RIMS2: variants seen among roughly 807,000 people sequenced by gnomAD.
RIMS2 encodes the protein regulating synaptic membrane exocytosis protein 2.
RIMS2 carries 59 observed loss-of-function variants against 174.4 expected under a neutral mutation model. The ratio of observed to expected loss-of-function variants is 0.34; its 90% CI spans 0.27 to 0.42. The LOEUF (loss-of-function observed/expected upper bound fraction) is 0.42. Among genes scored for constraint, RIMS2 ranks in the 10% least tolerant of loss-of-function variants. The pLI is 1.00. For synonymous variants in RIMS2, 606 were observed against 572.5 expected, an observed-to-expected ratio of 1.06 and a Z score of -0.84; for missense variants, 1,620 against 1,666.3, an observed-to-expected ratio of 0.97 and a Z score of 0.48.
chr8:104,182,352 ATATCT>A (rs1287267646), intron 19 of RIMS2, among the ~76,000 whole-genome samples: 1 of 151,826 alleles, frequency 6.6e-6, no homozygotes, highest in Non-Finnish European at 1.5e-5. Flanking sequence ...ATTTAGAAAA[ATATCT>A]TATTTTTAAC....
At chr8:104,004,225 G>A (rs2095491034) in intron 17 of RIMS2, among the ~76,000 whole-genome samples, 1 of 152,124 alleles carries the variant, frequency 6.6e-6, no homozygotes, top group Admixed American at 6.6e-5. Context: ...CTAATGGTAA[G>A]CAGTCATAAA....
intron 14 of RIMS2, among the ~76,000 whole-genome samples, chr8:103,948,479 TTTCTA>T (rs1312727405): frequency 6.6e-6 from 1 of 152,188 alleles, no homozygotes; most frequent in Non-Finnish European, 1.5e-5. Flanking sequence ...TCACAATTGA[TTTCTA>T]TATATAACAA....
At chr8:104,158,129 T>C (rs1390782067) in intron 19 of RIMS2, among the ~76,000 whole-genome samples, 1 of 152,188 alleles carries the variant, frequency 6.6e-6, no homozygotes, top group Non-Finnish European at 1.5e-5. Context: ...CTCCAACTTA[T>C]GAGTGAGAAC....
chr8:103,641,432 A>G (rs143998487), intron 1 of RIMS2, among the ~76,000 whole-genome samples: 358 of 152,254 alleles, frequency 2.4e-3, no homozygotes, highest in African/African-American at 8.2e-3. Flanking sequence ...ATTGTAAACT[A>G]TTATTACTGT....
chr8:104,183,294 A>T (rs2098950278), intron 19 of RIMS2, among the ~76,000 whole-genome samples: 1 of 151,782 alleles, frequency 6.6e-6, no homozygotes. Flanking sequence ...CAACTATAGC[A>T]ATTAAGTAGG....
At chr8:103,993,697 A>T (rs909110370) in intron 17 of RIMS2, among the ~76,000 whole-genome samples, 8 of 152,154 alleles carry the variant, frequency 5.3e-5, no homozygotes, top group Admixed American at 4.6e-4. Context: ...ACTGAGTAGA[A>T]TGTAGGGACT....
At chr8:103,772,163 T>C (rs2098260815) in intron 3 of RIMS2, among the ~76,000 whole-genome samples, 1 of 151,930 alleles carries the variant, frequency 6.6e-6, no homozygotes, top group Non-Finnish European at 1.5e-5. Context: ...GTGCCTGGAT[T>C]TACTATTATG....
At chr8:104,096,683 C>A (rs1375331437) in intron 19 of RIMS2, among the ~76,000 whole-genome samples, 1 of 151,954 alleles carries the variant, frequency 6.6e-6, no homozygotes, top group Non-Finnish European at 1.5e-5. Flanking sequence ...TCCTGGCCAA[C>A]GTGGTGAAAC....
intron 19 of RIMS2, among the ~76,000 whole-genome samples, chr8:104,243,617 C>T (rs765257269): frequency 6.6e-5 from 10 of 152,008 alleles, no homozygotes; most frequent in Non-Finnish European, 1.5e-4. Flanking sequence ...ACCCGGGAGG[C>T]GGAGGTTGCA....
At chr8:104,129,816 T>C (rs2098460038) in intron 19 of RIMS2, among the ~76,000 whole-genome samples, 1 of 152,242 alleles carries the variant, frequency 6.6e-6, no homozygotes, top group South Asian at 2.1e-4. Context: ...ATGTTGTGTC[T>C]TGTATTTCTT....
chr8:104,061,980 TGTG>T (rs2097002602), intron 19 of RIMS2, among the ~76,000 whole-genome samples: 1 of 152,160 alleles, frequency 6.6e-6, no homozygotes, highest in South Asian at 2.1e-4. Context: ...TATGTTCAAA[TGTG>T]GTCAAAAATT....
At chr8:103,515,389 AT>A (rs1018408096) in intron 1 of RIMS2, among the ~76,000 whole-genome samples, 1 of 152,192 alleles carries the variant, frequency 6.6e-6, no homozygotes, top group African/African-American at 2.4e-5. Flanking sequence ...CAGTTAAGCC[AT>A]TTTTTGAAGT....
chr8:103,859,032 A>G (rs1462817689), intron 3 of RIMS2, among the ~76,000 whole-genome samples: 3 of 152,162 alleles, frequency 2.0e-5, no homozygotes, highest in Non-Finnish European at 4.4e-5. Context: ...ATACTACAAG[A>G]TAGATCATGA....
At chr8:103,624,884 T>C (rs944369584) in intron 1 of RIMS2, among the ~76,000 whole-genome samples, 1 of 151,990 alleles carries the variant, frequency 6.6e-6, no homozygotes, top group African/African-American at 2.4e-5. Context: ...CATACATACA[T>C]ACACACAAAA....
chr8:104,158,403 GTA>G (rs201537683), intron 19 of RIMS2, among the ~76,000 whole-genome samples: 2,235 of 152,182 alleles, frequency 0.015, 47 homozygotes, highest in African/African-American at 0.048. Context: ...AATCCTTTGG[GTA>G]TATACCCAGT....
intron 22 of RIMS2, among the ~76,000 whole-genome samples, chr8:104,250,481 A>G (rs1292660188): frequency 6.6e-6 from 1 of 152,194 alleles, no homozygotes; most frequent in Non-Finnish European, 1.5e-5. Flanking sequence ...TGATTTGTAC[A>G]TGCATGAAAA....
chr8:103,920,368 TAAC>T (rs1174464055), intron 9 of RIMS2, among the ~76,000 whole-genome samples: 1 of 152,054 alleles, frequency 6.6e-6, no homozygotes, highest in African/African-American at 2.4e-5. Flanking sequence ...ACCTAAAGCT[TAAC>T]AACCTTTATT....
At chr8:104,205,947 G>A (rs1340472055) in intron 19 of RIMS2, among the ~76,000 whole-genome samples, 3 of 151,922 alleles carry the variant, frequency 2.0e-5, no homozygotes, top group Admixed American at 2.0e-4. Flanking sequence ...GTAGAGAGGG[G>A]GTTTCACCAT....
At chr8:103,711,952 A>T (rs1374366070) in intron 2 of RIMS2, among the ~76,000 whole-genome samples, 1 of 151,794 alleles carries the variant, frequency 6.6e-6, no homozygotes, top group African/African-American at 2.4e-5. Flanking sequence ...TACCCAATAT[A>T]TCTGAAAATG....
Sources: gnomAD v4.1 joint callset for allele counts (sites outside exome capture counted in the v4.1 genomes callset) on GRCh38, gnomAD v4.1.1 for gene constraint, MANE v1.5 for transcripts, NCBI Gene and HGNC (gene_info 2026-07-23, HGNC 2026-07-21) for gene names.